The following FRMD5 variants were observed in gnomAD, a reference collection of about 807,000 sequenced individuals.
FRMD5 encodes the protein FERM domain-containing protein 5.
A neutral mutation model predicts 69.0 loss-of-function variants in FRMD5; 20 were observed. That is an observed-to-expected ratio of 0.29 (90% confidence interval 0.20 to 0.42). The LOEUF is 0.42. Among genes scored for constraint, FRMD5 ranks in the 10% least tolerant of loss-of-function variants. The probability of loss-of-function intolerance (pLI) is 1.00; values close to 1 mark genes in which losing one functional copy is unlikely to be tolerated. For missense variants in FRMD5, 595 were observed against 708.6 expected (o/e 0.84, Z 1.82); for synonymous variants, 271 against 260.1 (o/e 1.04, Z -0.40).
chr15:44,053,883 G>A (rs534764002), intron 1 of FRMD5, among the ~76,000 whole-genome samples: 1 of 152,292 alleles, frequency 6.6e-6, no homozygotes, highest in African/African-American at 2.4e-5. Context: ...GTTTAGGAAA[G>A]AATTCAGAAT....
chr15:44,086,860 C>T (rs778289275), intron 1 of FRMD5, among the ~76,000 whole-genome samples: 9 of 152,002 alleles, frequency 5.9e-5, no homozygotes, highest in Non-Finnish European at 1.0e-4. Flanking sequence ...TTTTATGAAA[C>T]ATTTGTATTA....
In FRMD5 at chr15:44,136,137, C is replaced by A. The variant is rs181486905; in HGVS notation, c.102+58816G>T. On this transcript the variant is annotated intron_variant, in intron 1 of 13. Coordinates refer to ENST00000417257, the MANE Select transcript of FRMD5 (RefSeq NM_032892.5). ...CCCAGATCTTCCCACCACCGTCTCC[C>A]GAGTAGCTGGGACTACAGAGGTGAG... 2.8e-4 allele frequency among the ~76,000 whole-genome samples: 42 copies of A among 152,100 alleles called. No homozygotes were observed. The East Asian group carries it at 7.6e-3, about 27-fold the overall frequency.
Position 44,054,372 on chromosome 15 carries a change from T to C in FRMD5, c.103-130063A>G, listed in dbSNP as rs543421359. Among the ~76,000 whole-genome samples, 9 of 152,318 alleles carry C rather than the reference T, an allele frequency of 5.9e-5. No homozygotes were observed. In the East Asian group the frequency reaches 1.7e-3, roughly 29 times the overall value. On this transcript the variant is annotated intron_variant, in intron 1 of 13. Coordinates refer to ENST00000417257, the MANE Select transcript of FRMD5 (RefSeq NM_032892.5). ...TCTCCAGAGCCATTTGGAACAACTG[T>C]TTACAACCATAAAAGTCCCAAACCC... is the stretch of plus-strand genomic sequence containing the variant.
chr15:43,919,454 C>G lies in FRMD5; in HGVS notation c.329+5G>C, dbSNP rs768244536. 6.2e-7 allele frequency: 1 copy of G among 1,613,588 alleles called. No homozygotes were observed. The highest frequency in any genetic ancestry group is 8.5e-7 in the Non-Finnish European group (1 of 1,179,564). On this transcript the variant is annotated splice_donor_5th_base_variant and intron_variant, in intron 4 of 13. Transcript: ENST00000417257. ...TAATGGCTGCGGGAAGCATGTTCAC[C>G]TCACCTGGTTATTTCTTCTTTCAGA...
At chr15:44,098,981 C>T (rs533802972) in intron 1 of FRMD5, among the ~76,000 whole-genome samples, 1 of 152,196 alleles carries the variant, frequency 6.6e-6, no homozygotes, top group Non-Finnish European at 1.5e-5. Flanking sequence ...AGCAGGACAG[C>T]AGTCATATAT....
At chr15:44,137,295 A>T (rs1371533244) in intron 1 of FRMD5, among the ~76,000 whole-genome samples, 1 of 152,220 alleles carries the variant, frequency 6.6e-6, no homozygotes, top group African/African-American at 2.4e-5. Context: ...CTCCAAGAAC[A>T]TACTGCCTTA....
At chr15:44,081,312 T>C (rs866524272) in intron 1 of FRMD5, among the ~76,000 whole-genome samples, 2 of 152,150 alleles carry the variant, frequency 1.3e-5, no homozygotes, top group Non-Finnish European at 2.9e-5. Flanking sequence ...TAATTTTCTG[T>C]CTTTACTGAC....
At chr15:44,142,615 T>C (rs993000720) in intron 1 of FRMD5, among the ~76,000 whole-genome samples, 7 of 152,154 alleles carry the variant, frequency 4.6e-5, no homozygotes, top group Admixed American at 3.3e-4. Context: ...TTAAAATCTA[T>C]CATTCACAGA....
At chr15:44,186,048 C>T (rs1204303494) in intron 1 of FRMD5, among the ~76,000 whole-genome samples, 2 of 152,168 alleles carry the variant, frequency 1.3e-5, no homozygotes, top group African/African-American at 4.8e-5. Flanking sequence ...CTGCCTCAGC[C>T]TCCAGAGTAG....
At chr15:44,116,717 C>A (rs1466507863) in intron 1 of FRMD5, among the ~76,000 whole-genome samples, 2 of 152,136 alleles carry the variant, frequency 1.3e-5, no homozygotes, top group Non-Finnish European at 2.9e-5. Flanking sequence ...ATCATTCCTC[C>A]CTTGGGCTCA....
chr15:44,117,571 A>G (rs1223288033), intron 1 of FRMD5, among the ~76,000 whole-genome samples: 1 of 152,216 alleles, frequency 6.6e-6, no homozygotes. Flanking sequence ...AAGCATTGCT[A>G]TGGGTTACAA....
intron 1 of FRMD5, among the ~76,000 whole-genome samples, chr15:44,154,617 T>C (rs778342533): frequency 3.9e-5 from 6 of 152,260 alleles, no homozygotes; most frequent in Non-Finnish European, 5.9e-5. Flanking sequence ...CTGTTTTCCC[T>C]GCAAAGCAGG....
At chr15:44,148,188 A>G (rs2140463176) in intron 1 of FRMD5, among the ~76,000 whole-genome samples, 1 of 152,324 alleles carries the variant, frequency 6.6e-6, no homozygotes, top group East Asian at 1.9e-4. Flanking sequence ...GATATTCAAA[A>G]GTAAAAATAA....
At chr15:44,110,616 G>A (rs959724592) in intron 1 of FRMD5, among the ~76,000 whole-genome samples, 1 of 152,120 alleles carries the variant, frequency 6.6e-6, no homozygotes, top group Non-Finnish European at 1.5e-5. Flanking sequence ...TCTTAACACA[G>A]AAAAAGTGTG....
At chr15:44,000,236 C>T (rs1393503077) in intron 1 of FRMD5, among the ~76,000 whole-genome samples, 1 of 151,890 alleles carries the variant, frequency 6.6e-6, no homozygotes, top group Non-Finnish European at 1.5e-5. Flanking sequence ...GATCCTCCTG[C>T]TCAGTCTCCC....
At chr15:43,919,424 G>A in intron 4 of FRMD5, 35 bp downstream of exon 4, 1 of 1,581,018 alleles carries the variant, frequency 6.3e-7, no homozygotes, top group Non-Finnish European at 8.7e-7. Context: ...CTCTCCAACA[G>A]GTCCTAATGG....
intron 1 of FRMD5, among the ~76,000 whole-genome samples, chr15:44,037,508 G>A (rs554755504): frequency 3.6e-5 from 5 of 139,968 alleles, no homozygotes; most frequent in African/African-American, 8.1e-5. Context: ...TTGCTCTGTC[G>A]CCAGGCTGGA....
At chr15:43,940,937 G>C (rs2089851679) in intron 1 of FRMD5, among the ~76,000 whole-genome samples, 2 of 152,214 alleles carry the variant, frequency 1.3e-5, no homozygotes, top group African/African-American at 2.4e-5. Flanking sequence ...AAATAATTAA[G>C]ATTTCTTAGA....
chr15:43,895,116 C>CTATT (rs1378355314), intron 7 of FRMD5, among the ~76,000 whole-genome samples: 2 of 152,168 alleles, frequency 1.3e-5, no homozygotes, highest in Admixed American at 6.5e-5. Context: ...ATAGCTGCTA[C>CTATT]TAGTTAGCTG....
Sources: gnomAD v4.1 joint callset for allele counts (sites outside exome capture counted in the v4.1 genomes callset) on GRCh38, gnomAD v4.1.1 for gene constraint, MANE v1.5 for transcripts, NCBI Gene and HGNC (gene_info 2026-07-23, HGNC 2026-07-21) for gene names.